Variants in CD247 observed in about 807,000 individuals in gnomAD.
The protein encoded by CD247 is T-cell surface glycoprotein CD3 zeta chain.
In CD247, 13 loss-of-function variants were observed where a neutral mutation model predicts 30.0. That is an observed-to-expected ratio of 0.43 (90% CI 0.28 to 0.69). CD247 has a LOEUF of 0.69. Among genes scored for constraint, CD247 ranks in the 30% least tolerant of loss-of-function variants. CD247 has a pLI of 0.16. For missense variants in CD247, 193 were observed against 212.6 expected, an observed-to-expected ratio of 0.91 and a Z score of 0.57; for synonymous variants, 72 against 80.0, an observed-to-expected ratio of 0.90 and a Z score of 0.53.
intron 1 of CD247, among the ~76,000 whole-genome samples, chr1:167,511,450 C>G (rs937066634): frequency 3.3e-5 from 5 of 152,116 alleles, no homozygotes; most frequent in African/African-American, 1.2e-4. Flanking sequence ...AGAATAGATG[C>G]ATTTTCTGAG....
At chr1:167,432,881 A>T in intron 7 of CD247, 143 bp downstream of exon 7, 2 of 803,712 alleles carry the variant, frequency 2.5e-6, no homozygotes, top group Non-Finnish European at 4.3e-6. Flanking sequence ...TGGCGTTGCC[A>T]CTGGCCTAAA....
chr1:167,500,007 C>T (rs564750602), intron 1 of CD247, among the ~76,000 whole-genome samples: 49 of 152,308 alleles, frequency 3.2e-4, no homozygotes, highest in African/African-American at 7.9e-4. Flanking sequence ...CCCTGGGGCA[C>T]GTGGGTTCTC....
intron 1 of CD247, among the ~76,000 whole-genome samples, chr1:167,463,036 G>A (rs749824464): frequency 9.2e-5 from 14 of 152,210 alleles, no homozygotes; most frequent in Non-Finnish European, 1.8e-4. Context: ...TTTGGGGACT[G>A]CTTCTTTTGC....
At chr1:167,432,623 A>G (rs1048073542) in intron 7 of CD247, among the ~76,000 whole-genome samples, 2 of 152,180 alleles carry the variant, frequency 1.3e-5, no homozygotes, top group African/African-American at 4.8e-5. Flanking sequence ...TTTTTCCTTC[A>G]GTCTTCCCAG....
At chr1:167,443,302 T>C (rs753994507) in intron 1 of CD247, among the ~76,000 whole-genome samples, 2 of 152,316 alleles carry the variant, frequency 1.3e-5, no homozygotes, top group Middle Eastern at 3.4e-3. Context: ...CTCGATATCA[T>C]GGAATTTTTC....
chr1:167,438,759 G>T, intron 3 of CD247, 109 bp from the exon 4 acceptor site: 1 of 850,876 alleles, frequency 1.2e-6, no homozygotes. Context: ...CATAAAAAGA[G>T]GGGCAGGGGC....
chr1:167,508,236 C>G (rs1277882423), intron 1 of CD247, among the ~76,000 whole-genome samples: 1 of 152,166 alleles, frequency 6.6e-6, no homozygotes, highest in African/African-American at 2.4e-5. Context: ...ACTCCCACCC[C>G]AAAGAGCTAT....
Position 167,440,815 on chromosome 1 carries a change from C to A in CD247, c.59-48G>T, listed in dbSNP as rs755195198. On this transcript the variant is annotated intron_variant, in intron 1 of 7. Coordinates refer to ENST00000362089, the MANE Select transcript of CD247 (RefSeq NM_198053.3). ...TCAGCCAGGCCCAAGGTGACGAGAA[C>A]ACATCCCCATTACCCCAGGGTGGCA... 3.3e-6 allele frequency: 4 copies of A among 1,227,234 alleles called. No homozygotes were observed. The South Asian group carries it at 3.7e-5, about 11-fold the overall frequency. 76.0% of individuals were successfully genotyped at this position (1,227,234 alleles called of 1,614,324 possible).
At chr1:167,476,992 A>G (rs555592538) in intron 1 of CD247, among the ~76,000 whole-genome samples, 10 of 152,292 alleles carry the variant, frequency 6.6e-5, no homozygotes, top group Admixed American at 2.0e-4. Context: ...AATTTGTAGT[A>G]TTTGTTCTTA....
intron 3 of CD247, 66 bp downstream of exon 3, chr1:167,439,278 C>T (rs1343572484): frequency 2.1e-6 from 3 of 1,442,272 alleles, no homozygotes; most frequent in Non-Finnish European, 2.0e-6. Context: ...CTGGCGGGCG[C>T]GTTCCCTAGG....
chr1:167,435,566 C>T, intron 4 of CD247, 132 bp from the exon 5 acceptor site: 1 of 765,796 alleles, frequency 1.3e-6, no homozygotes, highest in Non-Finnish European at 2.3e-6. Context: ...CCTCCCTGTG[C>T]TACCCCAGCC....
intron 1 of CD247, among the ~76,000 whole-genome samples, chr1:167,474,679 A>T (rs1653671389): frequency 6.6e-6 from 1 of 151,962 alleles, no homozygotes; most frequent in Non-Finnish European, 1.5e-5. Flanking sequence ...AGCCAGCTTG[A>T]AGAGGCTCCC....
chr1:167,516,527 C>T (rs931296234), intron 1 of CD247, among the ~76,000 whole-genome samples: 6 of 152,218 alleles, frequency 3.9e-5, no homozygotes, highest in South Asian at 4.1e-4. Flanking sequence ...ATTCTATGTG[C>T]GGCCTTTCCT....
chr1:167,514,144 T>C (rs962001177), intron 1 of CD247, among the ~76,000 whole-genome samples: 1 of 149,848 alleles, frequency 6.7e-6, no homozygotes, highest in East Asian at 2.0e-4. Flanking sequence ...TTTTATTTTA[T>C]TTATTTTTTT....
intron 1 of CD247, among the ~76,000 whole-genome samples, chr1:167,504,790 AG>A (rs1375455370): frequency 6.6e-6 from 1 of 152,244 alleles, no homozygotes; most frequent in African/African-American, 2.4e-5. Context: ...TTCATTAAAA[AG>A]CCCTTAAAAG....
At chr1:167,478,796 T>C (rs1486550342) in intron 1 of CD247, among the ~76,000 whole-genome samples, 2 of 152,230 alleles carry the variant, frequency 1.3e-5, no homozygotes, top group Non-Finnish European at 2.9e-5. Context: ...GAAACATCTA[T>C]GATTTGATAA....
At chr1:167,473,247 C>T (rs976573035) in intron 1 of CD247, among the ~76,000 whole-genome samples, 10 of 152,172 alleles carry the variant, frequency 6.6e-5, no homozygotes, top group African/African-American at 2.4e-4. Context: ...GCCAGCTGTC[C>T]CGAGCTGCCC....
At chr1:167,442,212 G>A (rs1651874489) in intron 1 of CD247, among the ~76,000 whole-genome samples, 1 of 152,176 alleles carries the variant, frequency 6.6e-6, no homozygotes, top group South Asian at 2.1e-4. Context: ...CTAGGTAAAC[G>A]TGCAGCAACT....
chr1:167,491,567 CA>C lies in CD247; in HGVS notation c.58+26840del, dbSNP rs34384774. ...GGGCAACAAGAGCGAAACTCCATCT[CA>C]AAAAAAAAAAAAATAGAACTATCAT... is the stretch of plus-strand genomic sequence containing the variant. On this transcript the variant is annotated intron_variant, in intron 1 of 7. Transcript: ENST00000362089. 1.1e-3 allele frequency among the ~76,000 whole-genome samples: 154 copies of C among 143,404 alleles called. 1 individual carries two copies. The highest frequency in any genetic ancestry group is 3.2e-3 in the African/African-American group (120 of 37,832). 94.1% of individuals were successfully genotyped at this position (143,404 alleles called of 152,430 possible). A position where few individuals can be genotyped will look rare whatever the true frequency, so the allele number is the denominator to read the frequency against.
Sources: gnomAD v4.1 joint callset for allele counts (sites outside exome capture counted in the v4.1 genomes callset) on GRCh38, gnomAD v4.1.1 for gene constraint, MANE v1.5 for transcripts, NCBI Gene and HGNC (gene_info 2026-07-23, HGNC 2026-07-21) for gene names.